LPP: variants seen among roughly 807,000 people sequenced by gnomAD.
The protein encoded by LPP is lipoma-preferred partner.
LPP carries 38 observed loss-of-function variants against 60.4 expected under a neutral mutation model. The ratio of observed to expected loss-of-function variants is 0.63; its 90% CI spans 0.49 to 0.83. The LOEUF (loss-of-function observed/expected upper bound fraction) is 0.83, where lower values mean the gene tolerates loss of function less well. Among genes scored for constraint, LPP ranks in the 40% least tolerant of loss-of-function variants. LPP has a pLI of 0.00. For missense variants in LPP, 902 were observed against 783.6 expected, an observed-to-expected ratio of 1.15 and a Z score of -1.80; for synonymous variants, 328 against 290.8, an observed-to-expected ratio of 1.13 and a Z score of -1.30.
chr3:188,846,602 T>G (rs754146776), intron 9 of LPP, among the ~76,000 whole-genome samples: 14 of 149,268 alleles, frequency 9.4e-5, no homozygotes, highest in Non-Finnish European at 1.9e-4. Flanking sequence ...GAGAATTGCT[T>G]GAACCCAGGA....
chr3:188,643,727 A>G (rs1850605948), intron 7 of LPP, among the ~76,000 whole-genome samples: 1 of 152,154 alleles, frequency 6.6e-6, no homozygotes, highest in Admixed American at 6.5e-5. Flanking sequence ...CTGAGCCATC[A>G]CTTTAAAATG....
intron 9 of LPP, among the ~76,000 whole-genome samples, chr3:188,780,970 T>A (rs1739442233): frequency 6.6e-6 from 1 of 152,202 alleles, no homozygotes; most frequent in African/African-American, 2.4e-5. Flanking sequence ...CAAGTTGTAC[T>A]TAGAGCACAA....
intron 9 of LPP, among the ~76,000 whole-genome samples, chr3:188,811,380 A>ACACACG (rs1326901379): frequency 6.6e-6 from 1 of 151,490 alleles, no homozygotes; most frequent in Non-Finnish European, 1.5e-5. Flanking sequence ...ACACACACAC[A>ACACACG]CACACGCACA....
chr3:188,247,316 G>C (rs1727330322), intron 2 of LPP: 1 of 227,004 alleles, frequency 4.4e-6, no homozygotes, highest in South Asian at 1.6e-4. Flanking sequence ...TTATAGACTA[G>C]TTGGTAGGAG....
chr3:188,827,023 G>C (rs1755732666), intron 9 of LPP, among the ~76,000 whole-genome samples: 1 of 152,298 alleles, frequency 6.6e-6, no homozygotes, highest in Admixed American at 6.5e-5. Flanking sequence ...TATGTGGAAT[G>C]CTGGTGCAAA....
chr3:188,201,523 G>A (rs900802845), intron 1 of LPP, among the ~76,000 whole-genome samples: 6 of 151,960 alleles, frequency 3.9e-5, no homozygotes, highest in African/African-American at 9.7e-5. Context: ...CCTGGCCAAC[G>A]TGGCAAAACC....
At chr3:188,335,788 G>A (rs1027259754) in intron 2 of LPP, among the ~76,000 whole-genome samples, 1 of 151,982 alleles carries the variant, frequency 6.6e-6, no homozygotes, top group African/African-American at 2.4e-5. Flanking sequence ...ATATTTTATT[G>A]CTTTTTCATA....
At chr3:188,846,740 A>T (rs887544440) in intron 9 of LPP, among the ~76,000 whole-genome samples, 4 of 151,930 alleles carry the variant, frequency 2.6e-5, no homozygotes, top group Non-Finnish European at 4.4e-5. Context: ...GAGAACTGTA[A>T]GTAATCTTAT....
At position 188,498,617 on chromosome 3, in the gene LPP, G is replaced by C. The variant is rs551333867; in HGVS notation, c.306+13913G>C. ...TACTGTGGGAATAATGCTGCTATAA[G>C]TATGGGTGTAGAAATCACTCTTTTG... On this transcript the variant is annotated intron_variant, in intron 5 of 11. Transcript: ENST00000617246. Among the ~76,000 whole-genome samples, 10 of 152,276 alleles carry C rather than the reference G, an allele frequency of 6.6e-5. No individual in the cohort carries two copies. In the East Asian group the frequency reaches 1.9e-3, roughly 29 times the overall value.
chr3:188,604,280 G>A (rs1842000281), intron 6 of LPP, among the ~76,000 whole-genome samples: 1 of 152,072 alleles, frequency 6.6e-6, no homozygotes, highest in African/African-American at 2.4e-5. Flanking sequence ...TTGTGGTATT[G>A]TGTTTACTTG....
intron 5 of LPP, among the ~76,000 whole-genome samples, chr3:188,510,895 A>C (rs1321177201): frequency 6.6e-6 from 1 of 151,112 alleles, no homozygotes. Flanking sequence ...CCTCTCTCTC[A>C]TTTTGCTTTT....
intron 6 of LPP, among the ~76,000 whole-genome samples, chr3:188,551,300 A>G (rs1828062081): frequency 6.6e-6 from 1 of 152,148 alleles, no homozygotes; most frequent in South Asian, 2.1e-4. Context: ...CTTATTGACT[A>G]CCACGAGAAC....
chr3:188,760,414 G>A (rs1731844162), intron 9 of LPP, 132 bp downstream of exon 9: 10 of 672,578 alleles, frequency 1.5e-5, no homozygotes, highest in Non-Finnish European at 2.2e-5. Flanking sequence ...TGTGGGGTGT[G>A]TGTGTGTGTG....
At chr3:188,727,626 A>G (rs1331867122) in intron 8 of LPP, among the ~76,000 whole-genome samples, 4 of 152,212 alleles carry the variant, frequency 2.6e-5, no homozygotes, top group Non-Finnish European at 4.4e-5. Flanking sequence ...ACACTTATTC[A>G]TATATGTATG....
At chr3:188,599,561 G>T (rs1236113936) in intron 6 of LPP, among the ~76,000 whole-genome samples, 1 of 151,932 alleles carries the variant, frequency 6.6e-6, no homozygotes, top group Non-Finnish European at 1.5e-5. Context: ...AAAGCTTCTG[G>T]GACAAAAACT....
chr3:188,769,239 C>G (rs1057481098), intron 9 of LPP, among the ~76,000 whole-genome samples: 6 of 152,182 alleles, frequency 3.9e-5, no homozygotes, highest in African/African-American at 1.4e-4. Flanking sequence ...GAAAGCCTCT[C>G]TCACTTTAAT....
At chr3:188,788,790 C>A (rs1446229699) in intron 9 of LPP, among the ~76,000 whole-genome samples, 1 of 152,184 alleles carries the variant, frequency 6.6e-6, no homozygotes, top group East Asian at 1.9e-4. Flanking sequence ...GCAGCACGCC[C>A]CCCCGGCTCT....
chr3:188,798,330 G>T (rs977223293), intron 9 of LPP, among the ~76,000 whole-genome samples: 1 of 152,126 alleles, frequency 6.6e-6, no homozygotes, highest in Non-Finnish European at 1.5e-5. Context: ...CTATACTCTT[G>T]ATATTCCTTT....
intron 6 of LPP, among the ~76,000 whole-genome samples, chr3:188,533,397 G>T (rs1822715396): frequency 6.6e-6 from 1 of 152,306 alleles, no homozygotes; most frequent in East Asian, 1.9e-4. Context: ...GCTGTTTCTG[G>T]CAAGGCTGCT....
Sources: gnomAD v4.1 joint callset for allele counts (sites outside exome capture counted in the v4.1 genomes callset) on GRCh38, gnomAD v4.1.1 for gene constraint, MANE v1.5 for transcripts, NCBI Gene and HGNC (gene_info 2026-07-23, HGNC 2026-07-21) for gene names.